TAB2: variants seen among roughly 807,000 people sequenced by gnomAD.
TAB2 encodes the protein TGF-beta-activated kinase 1 and MAP3K7-binding protein 2.
Under a neutral mutation model 65.0 loss-of-function variants are expected in TAB2, and 3 were observed. That is an observed-to-expected ratio of 0.05 (90% CI 0.02 to 0.12). TAB2 has a LOEUF of 0.12. Ranked by LOEUF, TAB2 falls within the 10% of genes least tolerant of loss-of-function variation. TAB2 has a pLI of 1.00. For missense variants in TAB2, 623 were observed against 840.3 expected (o/e 0.74, Z 3.20); for synonymous variants, 298 against 285.1 (o/e 1.05, Z -0.46).
At chr6:149,280,931 C>CA (rs9322172) in intron 1 of TAB2, among the ~76,000 whole-genome samples, 12 of 115,026 alleles carry the variant, frequency 1.0e-4, no homozygotes, top group Non-Finnish European at 1.8e-4. Context: ...GACCTCGTCT[C>CA]AAAAAAAAAA....
chr6:149,290,052 C>T (rs1214748183), intron 1 of TAB2, among the ~76,000 whole-genome samples: 2 of 152,114 alleles, frequency 1.3e-5, no homozygotes, highest in Non-Finnish European at 2.9e-5. Flanking sequence ...CTCCAGGTAG[C>T]AGGTTTCAGA....
chr6:149,235,625 A>G (rs1230266734), intron 1 of TAB2, among the ~76,000 whole-genome samples: 1 of 152,224 alleles, frequency 6.6e-6, no homozygotes, highest in Non-Finnish European at 1.5e-5. Context: ...CTGGGGGTCC[A>G]CAAGAAACAG....
intron 1 of TAB2, among the ~76,000 whole-genome samples, chr6:149,292,204 C>T (rs78980379): frequency 0.032 from 4,891 of 152,218 alleles, 268 homozygotes; most frequent in African/African-American, 0.11. Context: ...ATTCACTAGA[C>T]AGAGGCATAA....
chr6:149,243,036 A>G (rs1777631766), intron 1 of TAB2, among the ~76,000 whole-genome samples: 1 of 152,256 alleles, frequency 6.6e-6, no homozygotes, highest in South Asian at 2.1e-4. Context: ...TTCTAAAATG[A>G]GAGAAGGAAT....
At chr6:149,295,770 CT>C (rs897247493) in intron 1 of TAB2, among the ~76,000 whole-genome samples, 2 of 151,816 alleles carry the variant, frequency 1.3e-5, no homozygotes, top group Non-Finnish European at 2.9e-5. Context: ...GCCTGGTTAT[CT>C]TTTTTTCTTC....
chr6:149,274,346 T>C (rs2114678653), intron 1 of TAB2, among the ~76,000 whole-genome samples: 1 of 152,348 alleles, frequency 6.6e-6, no homozygotes, highest in East Asian at 1.9e-4. Context: ...ATAGAAAATG[T>C]TTCTCTTGTT....
intron 1 of TAB2, among the ~76,000 whole-genome samples, chr6:149,336,804 T>G (rs1779947649): frequency 6.6e-6 from 1 of 152,078 alleles, no homozygotes; most frequent in African/African-American, 2.4e-5. Context: ...CTGCCCAGAT[T>G]CCTAAGGGTG....
At chr6:149,400,769 C>A in intron 6 of TAB2, 1 of 1,403,182 alleles carries the variant, frequency 7.1e-7, no homozygotes, top group Non-Finnish European at 9.8e-7. Flanking sequence ...TTTGGTTCCA[C>A]CACATTCTGA....
At chr6:149,277,136 A>G (rs574323811) in intron 1 of TAB2, among the ~76,000 whole-genome samples, 1 of 152,336 alleles carries the variant, frequency 6.6e-6, no homozygotes, top group East Asian at 1.9e-4. Flanking sequence ...GACTGTGAGT[A>G]AATTAAACCT....
At chr6:149,260,197 C>T (rs1778123471) in intron 1 of TAB2, among the ~76,000 whole-genome samples, 1 of 152,224 alleles carries the variant, frequency 6.6e-6, no homozygotes, top group African/African-American at 2.4e-5. Flanking sequence ...TCAGGCACCA[C>T]CTCATCAGGA....
At chr6:149,237,876 T>A (rs760937346) in intron 1 of TAB2, among the ~76,000 whole-genome samples, 2 of 152,222 alleles carry the variant, frequency 1.3e-5, no homozygotes, top group African/African-American at 2.4e-5. Context: ...AATCAATTTG[T>A]TTGAAAAACA....
At chr6:149,406,042 G>A (rs1428545147) in intron 6 of TAB2, among the ~76,000 whole-genome samples, 1 of 152,126 alleles carries the variant, frequency 6.6e-6, no homozygotes, top group Non-Finnish European at 1.5e-5. Context: ...CATCCATAAA[G>A]TTGTGGGGGA....
At position 149,367,165 on chromosome 6, in the gene TAB2, A is replaced by C. The variant is rs184213380; in HGVS notation, c.-89-2744A>C. Among the ~76,000 whole-genome samples, 3 of 152,254 alleles carry C rather than the reference A, an allele frequency of 2.0e-5. No homozygotes were observed. The East Asian group carries it at 5.8e-4, about 29-fold the overall frequency. On this transcript the variant is annotated intron_variant, in intron 1 of 6. Transcript: ENST00000637181. ...GCTAATGTTTTGGGGATGGAGAGAT[A>C]ATAAAATATATCTCAGGTATTGATA...
upstream of TAB2, among the ~76,000 whole-genome samples, chr6:149,313,848 G>A (rs1167992987): frequency 3.3e-5 from 5 of 152,186 alleles, no homozygotes; most frequent in South Asian, 1.0e-3. Context: ...TCAGTCAGGA[G>A]GTGTGGGGAG....
intron 1 of TAB2, among the ~76,000 whole-genome samples, chr6:149,350,632 T>G: frequency 6.8e-6 from 1 of 147,752 alleles, no homozygotes; most frequent in African/African-American, 2.5e-5. Flanking sequence ...TTTTTTTTTT[T>G]TTTTTTTTTA....
intron 1 of TAB2, among the ~76,000 whole-genome samples, chr6:149,336,877 T>C (rs1465545319): frequency 6.6e-6 from 1 of 151,710 alleles, no homozygotes; most frequent in African/African-American, 2.4e-5. Flanking sequence ...TGCAAGACCC[T>C]GAAGGGATCC....
At chr6:149,325,070 G>A (rs1002471435) in intron 1 of TAB2, among the ~76,000 whole-genome samples, 1 of 151,998 alleles carries the variant, frequency 6.6e-6, no homozygotes, top group Non-Finnish European at 1.5e-5. Flanking sequence ...CAGCTTCTCA[G>A]CCCCCACCTC....
At chr6:149,229,238 AG>A (rs1250038715) in intron 1 of TAB2, among the ~76,000 whole-genome samples, 1 of 152,280 alleles carries the variant, frequency 6.6e-6, no homozygotes, top group African/African-American at 2.4e-5. Flanking sequence ...GCCAAAACCA[AG>A]GGGGAAGAAA....
intron 6 of TAB2, among the ~76,000 whole-genome samples, chr6:149,404,121 T>G (rs778682832): frequency 2.6e-5 from 4 of 152,182 alleles, no homozygotes; most frequent in Non-Finnish European, 5.9e-5. Flanking sequence ...TAAATGAATT[T>G]AGTAAAATTG....
Sources: allele counts gnomAD v4.1 joint callset (sites outside exome capture counted in the v4.1 genomes callset), GRCh38; gene constraint gnomAD v4.1.1; transcripts MANE v1.5; gene names NCBI Gene and HGNC (gene_info 2026-07-23, HGNC 2026-07-21).